The following CFAP47 variants were observed in gnomAD, a reference collection of about 807,000 sequenced individuals.
CFAP47 encodes the protein cilia and flagella associated protein 47.
Under a neutral mutation model 148.1 loss-of-function variants are expected in CFAP47, and 29 were observed. The observed-to-expected ratio is 0.20, with a 90% CI of 0.15 to 0.27. The LOEUF (loss-of-function observed/expected upper bound fraction) is 0.27. Ranked by LOEUF, CFAP47 falls within the 10% of genes least tolerant of loss-of-function variation. The probability of loss-of-function intolerance (pLI) is 1.00; values close to 1 mark genes in which losing one functional copy is unlikely to be tolerated. For missense variants in CFAP47, 1,872 were observed against 1,697.5 expected (o/e 1.10, Z -1.81); for synonymous variants, 664 against 577.3 (o/e 1.15, Z -2.15).
intron 60 of CFAP47, among the ~76,000 whole-genome samples, chrX:36,355,509 G>C (rs1385570118): frequency 9.0e-6 from 1 of 111,513 alleles, no homozygotes; most frequent in Non-Finnish European, 1.9e-5. Flanking sequence ...AGAAAATGTA[G>C]CATATACTAT....
At chrX:36,348,977 C>T (rs1941720710) in intron 58 of CFAP47, among the ~76,000 whole-genome samples, 1 of 111,452 alleles carries the variant, frequency 9.0e-6, no homozygotes, top group Non-Finnish European at 1.9e-5. Flanking sequence ...GGGCCCATTA[C>T]TATCCATTCT....
chrX:36,185,775 C>A (rs1174376527), intron 40 of CFAP47, among the ~76,000 whole-genome samples: 1 of 111,201 alleles, frequency 9.0e-6, no homozygotes, highest in Non-Finnish European at 1.9e-5. Flanking sequence ...TAGATGGCTG[C>A]CATCTTATTA....
At chrX:36,232,222 G>A (rs868908147) in intron 46 of CFAP47, among the ~76,000 whole-genome samples, 1 of 111,249 alleles carries the variant, frequency 9.0e-6, no homozygotes, top group Middle Eastern at 4.7e-3. Flanking sequence ...GGTAGAATTC[G>A]GCTGTGAATC....
chrX:36,008,403 G>C (rs1459662392), intron 21 of CFAP47, among the ~76,000 whole-genome samples: 3 of 110,891 alleles, frequency 2.7e-5, no homozygotes, highest in African/African-American at 9.8e-5. Flanking sequence ...TCTTGCTGTG[G>C]GTCTAGAAGT....
intron 60 of CFAP47, among the ~76,000 whole-genome samples, chrX:36,354,113 A>G (rs1941765747): frequency 8.9e-6 from 1 of 112,097 alleles, no homozygotes; most frequent in Admixed American, 9.5e-5. Context: ...ATTAGATATA[A>G]TATCCAAATA....
At chrX:36,148,441 A>G (rs914271896) in intron 36 of CFAP47, among the ~76,000 whole-genome samples, 12 of 112,149 alleles carry the variant, frequency 1.1e-4, no homozygotes, top group Admixed American at 2.8e-4. Flanking sequence ...TGTGGTTGAG[A>G]AGAAAATCTT....
At chrX:36,382,000 T>G (rs1946567103) in intron 63 of CFAP47, among the ~76,000 whole-genome samples, 1 of 111,390 alleles carries the variant, frequency 9.0e-6, no homozygotes, top group Admixed American at 9.6e-5. Flanking sequence ...GAATAGATCA[T>G]TAGCATGAAA....
chrX:36,052,782 G>C (rs957971919), intron 26 of CFAP47, among the ~76,000 whole-genome samples: 1 of 112,461 alleles, frequency 8.9e-6, no homozygotes, highest in African/African-American at 3.2e-5. Context: ...AATACAATTA[G>C]AAAGAATTGA....
At chrX:36,274,825 A>C (rs2146940099) in intron 49 of CFAP47, among the ~76,000 whole-genome samples, 1 of 111,888 alleles carries the variant, frequency 8.9e-6, no homozygotes, top group African/African-American at 3.2e-5. Context: ...TGCCTCTATT[A>C]CTTTTTTCAT....
chrX:36,281,275 T>C (rs73460139), intron 50 of CFAP47, among the ~76,000 whole-genome samples: 1,533 of 112,437 alleles, frequency 0.014, 28 homozygotes, highest in African/African-American at 0.046. Flanking sequence ...GAAGAAATCT[T>C]TATTGAATGA....
At chrX:36,288,697 G>A (rs782163143) in intron 51 of CFAP47, among the ~76,000 whole-genome samples, 2 of 111,292 alleles carry the variant, frequency 1.8e-5, no homozygotes, top group East Asian at 2.8e-4. Flanking sequence ...TAAAAACACC[G>A]TTAATCCTCT....
chrX:36,346,922 G>T (rs1159832016), intron 57 of CFAP47, among the ~76,000 whole-genome samples: 3 of 111,995 alleles, frequency 2.7e-5, no homozygotes, highest in Non-Finnish European at 3.8e-5. Context: ...GGCAACAAAA[G>T]CCAAAATTGA....
intron 33 of CFAP47, among the ~76,000 whole-genome samples, chrX:36,122,476 A>T (rs1938762227): frequency 1.8e-5 from 2 of 110,843 alleles, no homozygotes; most frequent in African/African-American, 6.6e-5. Context: ...TTTTGTAGAC[A>T]TGCTACTTTT....
At chrX:36,095,467 C>T (rs1328483338) in intron 30 of CFAP47, among the ~76,000 whole-genome samples, 1 of 111,662 alleles carries the variant, frequency 9.0e-6, no homozygotes, top group Admixed American at 9.5e-5. Context: ...GGTATTAGTT[C>T]TTCTTTAAAT....
intron 33 of CFAP47, among the ~76,000 whole-genome samples, chrX:36,136,318 A>G (rs755900375): frequency 4.0e-4 from 44 of 109,218 alleles, no homozygotes; most frequent in African/African-American, 1.4e-3. Flanking sequence ...CTCCTTCAAG[A>G]CAATTTCTGT....
intron 46 of CFAP47, among the ~76,000 whole-genome samples, chrX:36,233,829 G>A (rs1555993321): frequency 9.0e-6 from 1 of 110,752 alleles, no homozygotes. Flanking sequence ...AAATCTCTCA[G>A]CATTTGCTTG....
Position 36,071,943 on chromosome X carries a change from T to C in CFAP47, c.4437T>C (p.Ala1479=), listed in dbSNP as rs765004394. ...KTYTTSKFND[A]EPAKGNLFIG... is the part of the protein sequence containing the mutation. ...ACACCACTAGCAAATTCAATGATGC[T>C]GAACCTGCAAAGGGAAACTTATTTA... is the stretch of plus-strand genomic sequence containing the variant. Residue 1479 remains alanine, a synonymous_variant, in exon 28 of 64, where the codon GCT becomes GCC. Coordinates refer to ENST00000378653, the MANE Select transcript of CFAP47 (RefSeq NM_001304548.2). 12 of 1,205,365 alleles carry C rather than the reference T, an allele frequency of 1.0e-5. No homozygotes were observed. In the East Asian group the frequency reaches 3.6e-4, roughly 36 times the overall value.
At chrX:36,062,885 T>C (rs1210883282) in intron 26 of CFAP47, among the ~76,000 whole-genome samples, 1 of 112,189 alleles carries the variant, frequency 8.9e-6, no homozygotes, top group Non-Finnish European at 1.9e-5. Context: ...ATTACATGTC[T>C]AATGCTGCTG....
At chrX:36,151,904 T>C (rs1473831865) in intron 37 of CFAP47, among the ~76,000 whole-genome samples, 1 of 111,527 alleles carries the variant, frequency 9.0e-6, no homozygotes, top group Non-Finnish European at 1.9e-5. Flanking sequence ...ACCCACAGAT[T>C]GATTTAGTGT....
Sources: gnomAD v4.1 joint callset for allele counts (sites outside exome capture counted in the v4.1 genomes callset) on GRCh38, gnomAD v4.1.1 for gene constraint, MANE v1.5 for transcripts, NCBI Gene and HGNC (gene_info 2026-07-23, HGNC 2026-07-21) for gene names.